The following VDAC1 variants were observed in gnomAD, a reference collection of about 807,000 sequenced individuals.
VDAC1 encodes voltage dependent anion channel 1, also known as non-selective voltage-gated ion channel VDAC1.
VDAC1 carries 10 observed loss-of-function variants against 34.7 expected under a neutral mutation model. That is an observed-to-expected ratio of 0.29 (90% CI 0.18 to 0.49). The LOEUF (loss-of-function observed/expected upper bound fraction) is 0.49, where lower values mean the gene tolerates loss of function less well. Among genes scored for constraint, VDAC1 ranks in the 20% least tolerant of loss-of-function variants. The pLI is 0.99. For missense variants in VDAC1, 230 were observed against 347.9 expected (o/e 0.66, Z 2.69); for synonymous variants, 130 against 136.0 (o/e 0.96, Z 0.30).
chr5:134,006,233 G>A (rs1233171932), upstream of VDAC1, among the ~76,000 whole-genome samples: 1 of 152,156 alleles, frequency 6.6e-6, no homozygotes, highest in Admixed American at 6.5e-5. Flanking sequence ...AGTTGCCTGG[G>A]AACTCTGGGC....
At chr5:134,001,840 T>C (rs754412243) in intron 1 of VDAC1, among the ~76,000 whole-genome samples, 3 of 151,994 alleles carry the variant, frequency 2.0e-5, no homozygotes, top group Non-Finnish European at 4.4e-5. Context: ...CCAGTGCTCT[T>C]TCCAGCACAG....
At chr5:134,041,844 T>C in the VDAC1 span, among the ~76,000 whole-genome samples, 1 of 151,894 alleles carries the variant, frequency 6.6e-6, no homozygotes, top group Non-Finnish European at 1.5e-5. Context: ...TCCTCCAGAG[T>C]AAGGCGCCAT....
At position 133,993,046 on chromosome 5, in the gene VDAC1, T is replaced by C. The variant is rs367771577; in HGVS notation, c.-6-28A>G. The C allele has an allele frequency of 2.1e-4, 328 of 1,583,506 alleles. 1 individual carries two copies. The highest frequency in any genetic ancestry group is 1.7e-3 in the African/African-American group (123 of 73,902). On this transcript the variant is annotated intron_variant, in intron 1 of 8. Coordinates refer to ENST00000265333, the MANE Select transcript of VDAC1 (RefSeq NM_003374.3). ...ATGATAAAAGAATCACCAGAATAAA[T>C]GCATTGATAATTAGGGAAATTAGCT...
the VDAC1 span, among the ~76,000 whole-genome samples, chr5:134,053,592 CAG>C: frequency 6.6e-6 from 1 of 152,214 alleles, no homozygotes; most frequent in Admixed American, 6.5e-5. Context: ...TGGGGGGAAA[CAG>C]AACAGGTTAT....
At chr5:134,051,648 C>G in the VDAC1 span, among the ~76,000 whole-genome samples, 1 of 151,320 alleles carries the variant, frequency 6.6e-6, no homozygotes, top group Admixed American at 6.6e-5. Flanking sequence ...GACACACTAC[C>G]CCTAGTGCCT....
the VDAC1 span, among the ~76,000 whole-genome samples, chr5:134,089,526 A>AGGG: frequency 6.6e-6 from 1 of 152,222 alleles, no homozygotes; most frequent in Non-Finnish European, 1.5e-5. Context: ...ACATTAAGGC[A>AGGG]GGGCTGCCCT....
intron 6 of VDAC1, among the ~76,000 whole-genome samples, chr5:133,977,524 G>A (rs1242318550): frequency 6.6e-6 from 1 of 152,160 alleles, no homozygotes; most frequent in Non-Finnish European, 1.5e-5. Flanking sequence ...GAATTTGAAA[G>A]TCTGCCCCAC....
chr5:134,016,796 A>C, the VDAC1 span, among the ~76,000 whole-genome samples: 8 of 152,366 alleles, frequency 5.3e-5, no homozygotes, highest in South Asian at 2.1e-4. Context: ...GCTGGCTTTC[A>C]GGCACTGTCT....
the VDAC1 span, among the ~76,000 whole-genome samples, chr5:134,027,449 T>G: frequency 6.6e-6 from 1 of 152,114 alleles, no homozygotes; most frequent in African/African-American, 2.4e-5. Context: ...CTCCCTGCCT[T>G]CCTTCCAGCA....
At chr5:134,047,692 T>C in the VDAC1 span, among the ~76,000 whole-genome samples, 1 of 152,322 alleles carries the variant, frequency 6.6e-6, no homozygotes, top group East Asian at 1.9e-4. Context: ...TTCTGTTTTT[T>C]CTGTTTTCCT....
At chr5:134,038,359 C>T in the VDAC1 span, among the ~76,000 whole-genome samples, 84 of 152,222 alleles carry the variant, frequency 5.5e-4, no homozygotes, top group African/African-American at 1.9e-3. Flanking sequence ...AACAAGGTGG[C>T]ATGTTTGAGA....
chr5:134,108,875 C>T, the VDAC1 span, among the ~76,000 whole-genome samples: 44 of 152,156 alleles, frequency 2.9e-4, no homozygotes, highest in Non-Finnish European at 5.1e-4. Context: ...ACTGCCCCAC[C>T]CGGAAAAGGC....
chr5:133,984,419 C>CGTGTGTGTGTGTGT (rs70976506), intron 5 of VDAC1, among the ~76,000 whole-genome samples: 24 of 122,040 alleles, frequency 2.0e-4, no homozygotes, highest in African/African-American at 4.5e-4. Context: ...CAATGACCAG[C>CGTGTGTGTGTGTGT]GTGTGTGTGT....
the VDAC1 span, among the ~76,000 whole-genome samples, chr5:134,099,865 G>C: frequency 6.6e-6 from 1 of 152,236 alleles, no homozygotes; most frequent in African/African-American, 2.4e-5. Flanking sequence ...TTGTGGGTGA[G>C]AGCCACCATG....
At chr5:134,017,303 C>T in the VDAC1 span, among the ~76,000 whole-genome samples, 382 of 151,998 alleles carry the variant, frequency 2.5e-3, 5 homozygotes, top group African/African-American at 8.9e-3. Context: ...CCCATCTCTA[C>T]TAAAAATACA....
At chr5:134,011,954 G>C in the VDAC1 span, among the ~76,000 whole-genome samples, 1 of 152,012 alleles carries the variant, frequency 6.6e-6, no homozygotes, top group East Asian at 1.9e-4. Flanking sequence ...GTTCTTATAA[G>C]AGGAAGACAA....
At chr5:134,045,712 G>A in the VDAC1 span, among the ~76,000 whole-genome samples, 1 of 150,260 alleles carries the variant, frequency 6.7e-6, no homozygotes. Flanking sequence ...TTTCACTCTT[G>A]TTGCCCAGGC....
intron 5 of VDAC1, among the ~76,000 whole-genome samples, chr5:133,982,409 G>C (rs1231635830): frequency 1.3e-5 from 2 of 151,830 alleles, no homozygotes; most frequent in Admixed American, 1.3e-4. Context: ...CTACTCAGGA[G>C]GCTGAGGCAG....
chr5:134,078,043 C>T, the VDAC1 span, among the ~76,000 whole-genome samples: 1 of 152,340 alleles, frequency 6.6e-6, no homozygotes, highest in East Asian at 1.9e-4. Flanking sequence ...ATGCTACAAA[C>T]TGCTTCCAGG....
Sources: allele counts gnomAD v4.1 joint callset (sites outside exome capture counted in the v4.1 genomes callset), GRCh38; gene constraint gnomAD v4.1.1; transcripts MANE v1.5; gene names NCBI Gene and HGNC (gene_info 2026-07-23, HGNC 2026-07-21).